Variants in GBF1 observed in about 807,000 individuals in gnomAD.
GBF1 encodes golgi brefeldin A resistant guanine nucleotide exchange factor 1.
A neutral mutation model predicts 210.5 loss-of-function variants in GBF1; 114 were observed. The ratio of observed to expected loss-of-function variants is 0.54; its 90% CI spans 0.47 to 0.63. GBF1 has a LOEUF of 0.63. Ranked by LOEUF, GBF1 falls within the 30% of genes least tolerant of loss-of-function variation. The probability of loss-of-function intolerance (pLI) is 0.00; values close to 1 mark genes in which losing one functional copy is unlikely to be tolerated. For synonymous variants in GBF1, 850 were observed against 889.2 expected (o/e 0.96, Z 0.78); for missense variants, 1,851 against 2,357.7 (o/e 0.79, Z 4.45).
chr10:102,232,361 G>C, the GBF1 span, among the ~76,000 whole-genome samples: 1 of 152,136 alleles, frequency 6.6e-6, no homozygotes, highest in Non-Finnish European at 1.5e-5. Flanking sequence ...TATACAGTTG[G>C]GGTTCAATAT....
At chr10:102,250,484 A>G (rs2071374431) in intron 1 of GBF1, among the ~76,000 whole-genome samples, 1 of 150,906 alleles carries the variant, frequency 6.6e-6, no homozygotes, top group Admixed American at 6.6e-5. Context: ...TAGGCTCCCT[A>G]GTGGCTGGAA....
chr10:102,332,388 T>C (rs906817177), intron 3 of GBF1, among the ~76,000 whole-genome samples: 3 of 64,702 alleles, frequency 4.6e-5, no homozygotes, highest in Admixed American at 1.8e-4. Flanking sequence ...GTAATTTGCC[T>C]TTTTTTTTTT....
chr10:102,263,813 G>T (rs949010530), intron 3 of GBF1, among the ~76,000 whole-genome samples: 3 of 152,158 alleles, frequency 2.0e-5, no homozygotes, highest in Non-Finnish European at 2.9e-5. Context: ...TGAAAAGAGG[G>T]TTGCTCTTGG....
rs750026387 is a variant in GBF1, at chr10:102,360,274, C to G, written c.1271C>G (p.Ser424Ter). The change falls in exon 12 of 40, where the codon TCA becomes TGA. Residue 424 changes from serine (S) to a stop codon, truncating the protein, a stop_gained. Transcript: ENST00000369983. LOFTEE classifies it high-confidence loss of function. The part of the protein sequence containing the change: ...SLTNPHDRHN[S>*]EVMIHMGLHL... ...ACCAATCCACACGACCGCCATAACTCAGAGGTTATGATTCACATGGGACTG... is the reference window on the plus strand; with the variant it reads ...ACCAATCCACACGACCGCCATAACTGAGAGGTTATGATTCACATGGGACTG... The G allele has an allele frequency of 6.2e-7, 1 of 1,612,586 alleles. No homozygotes were observed. The highest frequency in any genetic ancestry group is 8.5e-7 in the Non-Finnish European group (1 of 1,178,592).
chr10:102,378,919 GTGAGACCCTGCCTCAAAAAATAA>G (rs2135359005), intron 33 of GBF1, among the ~76,000 whole-genome samples: 1 of 152,348 alleles, frequency 6.6e-6, no homozygotes, highest in East Asian at 1.9e-4. Flanking sequence ...GGGTGACAGA[GTGAGACCCTGCCTCAAAAAATAA>G]AATTAAATTA....
At chr10:102,348,672 TTA>T (rs1467310753) in intron 4 of GBF1, among the ~76,000 whole-genome samples, 1 of 152,180 alleles carries the variant, frequency 6.6e-6, no homozygotes, top group Non-Finnish European at 1.5e-5. Context: ...CCCCATTTTA[TTA>T]TATGTCATGA....
intron 3 of GBF1, among the ~76,000 whole-genome samples, chr10:102,292,347 C>G (rs1441429566): frequency 6.6e-6 from 1 of 152,030 alleles, no homozygotes; most frequent in Admixed American, 6.5e-5. Flanking sequence ...CAAACGATCT[C>G]TCAAGTATGA....
the GBF1 span, among the ~76,000 whole-genome samples, chr10:102,238,568 T>C: frequency 6.6e-6 from 1 of 152,222 alleles, no homozygotes; most frequent in South Asian, 2.1e-4. Flanking sequence ...ATTAGGCTGC[T>C]CTAAGTCTCA....
Position 102,382,504 on chromosome 10 carries a change from C to A in GBF1, c.*168C>A. On this transcript the variant is annotated 3_prime_UTR_variant, in exon 40 of 40. Coordinates refer to ENST00000369983, the MANE Select transcript of GBF1 (RefSeq NM_001377137.1). ...ATGTTGATAGCCCCAGCTAAGACCCCCAATCAGCTGTGGGACCTTTTTCCT... is the reference window on the plus strand; with the variant it reads ...ATGTTGATAGCCCCAGCTAAGACCCACAATCAGCTGTGGGACCTTTTTCCT... 1.7e-6 allele frequency: 1 copy of A among 592,868 alleles called. No homozygotes were observed. Among genetic ancestry groups the A allele is most frequent in the Non-Finnish European group, 2.9e-6 (1 of 345,284 alleles). The allele number at this position is 592,868 out of a possible 1,614,324, so 36.7% of individuals were successfully genotyped here.
intron 29 of GBF1, among the ~76,000 whole-genome samples, chr10:102,375,013 AG>A (rs2135292706): frequency 6.6e-6 from 1 of 151,916 alleles, no homozygotes; most frequent in South Asian, 2.1e-4. Context: ...TTTCCAAAAA[AG>A]AAAAAAAAAA....
intron 13 of GBF1, 145 bp downstream of exon 13, chr10:102,361,265 C>A: frequency 1.6e-6 from 1 of 621,726 alleles, no homozygotes; most frequent in South Asian, 1.8e-5. Flanking sequence ...GAGTTCGGTT[C>A]AATCAACTGG....
intron 1 of GBF1, among the ~76,000 whole-genome samples, chr10:102,249,516 C>CT (rs1361061310): frequency 6.6e-6 from 1 of 152,116 alleles, no homozygotes; most frequent in Non-Finnish European, 1.5e-5. Flanking sequence ...AGGGCACCAG[C>CT]TTTTTTCCCA....
intron 3 of GBF1, among the ~76,000 whole-genome samples, chr10:102,277,031 T>C (rs2075050109): frequency 6.6e-6 from 1 of 151,812 alleles, no homozygotes; most frequent in African/African-American, 2.4e-5. Flanking sequence ...TATATAGACA[T>C]AAAATTATTT....
chr10:102,366,808 A>G lies in GBF1; in HGVS notation c.2434-277A>G, dbSNP rs1481524306. ...GCCATGTTGGTCAGGCTGGTCTCGAACTCCTGATCTCGGGTGATCCGCCCA... is the reference window on the plus strand; with the variant it reads ...GCCATGTTGGTCAGGCTGGTCTCGAGCTCCTGATCTCGGGTGATCCGCCCA... On this transcript the variant is annotated intron_variant, in intron 19 of 39. Coordinates refer to ENST00000369983, the MANE Select transcript of GBF1 (RefSeq NM_001377137.1). The surrounding 1 kb of genome is among the most constrained non-coding windows in gnomAD (Gnocchi z 4.0). 2.0e-5 allele frequency among the ~76,000 whole-genome samples: 3 copies of G among 150,692 alleles called. No individual in the cohort carries two copies. Among genetic ancestry groups the G allele is most frequent in the Non-Finnish European group, 3.0e-5 (2 of 67,626 alleles).
At position 102,382,186 on chromosome 10, in the gene GBF1, G is replaced by A; in HGVS notation, c.5433G>A (p.Leu1811=). 1 of 1,613,990 alleles carries A rather than the reference G, an allele frequency of 6.2e-7. No homozygotes were observed. Among genetic ancestry groups the A allele is most frequent in the Non-Finnish European group, 8.5e-7 (1 of 1,179,954 alleles). Residue 1811 remains leucine (L), a synonymous_variant, in exon 40 of 40, where the codon CTG becomes CTA. Coordinates refer to ENST00000369983, the MANE Select transcript of GBF1 (RefSeq NM_001377137.1). ...PPPLAQPPLI[L]QPLASPLQVG... ...CCTTGGCTCAGCCCCCACTGATCCT[G>A]CAGCCCTTGGCCTCCCCACTGCAGG... is the stretch of plus-strand genomic sequence containing the variant.
intron 8 of GBF1, 135 bp downstream of exon 8, chr10:102,353,789 A>C: frequency 1.5e-6 from 1 of 654,680 alleles, no homozygotes; most frequent in Non-Finnish European, 2.7e-6. Context: ...AGTAGCTCTC[A>C]CTCCTTTCGT....
chr10:102,371,387 A>G (rs112733079), intron 29 of GBF1, among the ~76,000 whole-genome samples: 1,886 of 152,376 alleles, frequency 0.012, 33 homozygotes, highest in African/African-American at 0.043. Context: ...TAAGATTTGT[A>G]TGATGAAAAC....
chr10:102,365,037 C>A (rs1322621932), intron 17 of GBF1, among the ~76,000 whole-genome samples: 2 of 152,132 alleles, frequency 1.3e-5, no homozygotes, highest in African/African-American at 4.8e-5. Flanking sequence ...CTAAGCTAGG[C>A]TAAAAACAAG....
intron 3 of GBF1, among the ~76,000 whole-genome samples, chr10:102,300,644 G>C (rs1160021251): frequency 6.6e-6 from 1 of 152,176 alleles, no homozygotes; most frequent in Admixed American, 6.5e-5. Flanking sequence ...CAGGAAGCAG[G>C]GGGGAAAGGG....
Sources: allele counts gnomAD v4.1 joint callset (sites outside exome capture counted in the v4.1 genomes callset), GRCh38; gene constraint gnomAD v4.1.1; non-coding constraint Gnocchi (gnomAD v3.1); transcripts MANE v1.5; gene names NCBI Gene and HGNC (gene_info 2026-07-23, HGNC 2026-07-21).